Variants in CDH2 observed in about 807,000 individuals in gnomAD.
CDH2 encodes cadherin-2.
CDH2 carries 17 observed loss-of-function variants against 92.0 expected under a neutral mutation model. The ratio of observed to expected loss-of-function variants is 0.18; its 90% CI spans 0.13 to 0.28. The LOEUF is 0.28. CDH2 is among the 10% of genes least tolerant of loss of function. The pLI is 1.00. For missense variants in CDH2, 862 were observed against 1,133.1 expected (o/e 0.76, Z 3.44); for synonymous variants, 419 against 415.9 (o/e 1.01, Z -0.09).
chr18:27,944,162 C>G (rs1207524002), intron 6 of CDH2, among the ~76,000 whole-genome samples: 1 of 152,070 alleles, frequency 6.6e-6, no homozygotes, highest in Non-Finnish European at 1.5e-5. Context: ...TAATAAAAAA[C>G]TATTAGAAAA....
intron 5 of CDH2, among the ~76,000 whole-genome samples, chr18:28,007,205 C>T (rs1008021760): frequency 9.6e-5 from 13 of 136,054 alleles, no homozygotes; most frequent in East Asian, 2.1e-4. Flanking sequence ...CGAGTATATA[C>T]GATAGCTGTT....
intron 2 of CDH2, among the ~76,000 whole-genome samples, chr18:28,147,408 AAT>A (rs1282345166): frequency 6.6e-6 from 1 of 152,134 alleles, no homozygotes; most frequent in Non-Finnish European, 1.5e-5. Context: ...CAAAAATGGT[AAT>A]AATCAGTTAC....
At chr18:28,033,273 T>C (rs973802766) in intron 2 of CDH2, among the ~76,000 whole-genome samples, 2 of 152,102 alleles carry the variant, frequency 1.3e-5, no homozygotes, top group African/African-American at 4.8e-5. Context: ...TGGGAAGTAT[T>C]TTTTCAAGGG....
At chr18:28,006,563 CAA>C (rs577869215) in intron 5 of CDH2, among the ~76,000 whole-genome samples, 1 of 137,186 alleles carries the variant, frequency 7.3e-6, no homozygotes, top group Non-Finnish European at 1.6e-5. Context: ...ACTAAAAATA[CAA>C]AAAAAAAAAA....
chr18:27,944,466 G>T (rs1369704677), intron 6 of CDH2, among the ~76,000 whole-genome samples: 1 of 152,086 alleles, frequency 6.6e-6, no homozygotes, highest in African/African-American at 2.4e-5. Context: ...TTTAAAACCT[G>T]ATTAAATGAA....
intron 2 of CDH2, among the ~76,000 whole-genome samples, chr18:28,123,433 T>A (rs965179495): frequency 6.6e-6 from 1 of 152,162 alleles, no homozygotes; most frequent in Non-Finnish European, 1.5e-5. Context: ...GTCACAGATA[T>A]TAACTGAAGC....
intron 11 of CDH2, among the ~76,000 whole-genome samples, chr18:27,987,396 T>C (rs919502121): frequency 5.9e-5 from 9 of 152,216 alleles, no homozygotes; most frequent in African/African-American, 2.2e-4. Flanking sequence ...GGTCACTACA[T>C]AGATTTTCTA....
At chr18:28,021,021 C>G (rs1324381026) in intron 2 of CDH2, among the ~76,000 whole-genome samples, 1 of 151,818 alleles carries the variant, frequency 6.6e-6, no homozygotes, top group Non-Finnish European at 1.5e-5. Context: ...TGCTAATTAT[C>G]AGATATAACT....
chr18:28,057,897 C>T (rs2014325587), intron 2 of CDH2, among the ~76,000 whole-genome samples: 1 of 152,096 alleles, frequency 6.6e-6, no homozygotes, highest in African/African-American at 2.4e-5. Context: ...TACTTCATCA[C>T]TCATCATGGA....
At chr18:27,945,439 CA>C (rs1909247976) in intron 6 of CDH2, among the ~76,000 whole-genome samples, 1 of 143,240 alleles carries the variant, frequency 7.0e-6, no homozygotes, top group African/African-American at 2.6e-5. Context: ...TTGTATGAGT[CA>C]AAAAAGTGAC....
At chr18:27,987,983 C>T (rs1410431990) in intron 11 of CDH2, among the ~76,000 whole-genome samples, 1 of 151,972 alleles carries the variant, frequency 6.6e-6, no homozygotes, top group Non-Finnish European at 1.5e-5. Context: ...GAAAAAAGTC[C>T]TTATCTATTA....
At chr18:28,006,316 A>G (rs1207477389) in intron 5 of CDH2, among the ~76,000 whole-genome samples, 1 of 152,190 alleles carries the variant, frequency 6.6e-6, no homozygotes, top group Non-Finnish European at 1.5e-5. Flanking sequence ...GAAATTTATG[A>G]AGGTCACTGC....
intron 1 of CDH2, chr18:28,159,297 T>C (rs982376937): frequency 7.9e-5 from 12 of 152,206 alleles, no homozygotes; most frequent in Non-Finnish European, 1.3e-4. Flanking sequence ...TGCAGCAATC[T>C]GGCAGTGGAA....
chr18:28,091,503 C>T (rs1328168346), intron 2 of CDH2, among the ~76,000 whole-genome samples: 2 of 152,052 alleles, frequency 1.3e-5, no homozygotes, highest in Non-Finnish European at 2.9e-5. Flanking sequence ...TTTCTCTTAC[C>T]ATCAAAGAAG....
chr18:28,134,341 T>C (rs1192990409), intron 2 of CDH2, among the ~76,000 whole-genome samples: 1 of 152,094 alleles, frequency 6.6e-6, no homozygotes, highest in Non-Finnish European at 1.5e-5. Context: ...TGATACCAAC[T>C]ACCTGTCCCC....
At position 27,951,992 on chromosome 18, in the gene CDH2, G is replaced by GA; in HGVS notation, c.*160dup. 1 of 640,194 alleles carries GA rather than the reference G, an allele frequency of 1.6e-6. No individual in the cohort carries two copies. Among genetic ancestry groups the GA allele is most frequent in the Non-Finnish European group, 2.8e-6 (1 of 359,212 alleles). The allele number at this position is 640,194 out of a possible 1,614,324, so 39.7% of individuals were successfully genotyped here. On this transcript the variant is annotated 3_prime_UTR_variant, in exon 16 of 16. Coordinates refer to ENST00000269141, the MANE Select transcript of CDH2 (RefSeq NM_001792.5). ...GTTTTTCCAAACAGTATGGATCACT[G>GA]ATATTCCCTCTGAGCCCAAATTGGT...
chr18:28,051,245 G>T (rs1211254604), intron 2 of CDH2, among the ~76,000 whole-genome samples: 1 of 152,042 alleles, frequency 6.6e-6, no homozygotes, highest in Non-Finnish European at 1.5e-5. Context: ...CTATTTTATA[G>T]TAGTGAAAAC....
At chr18:27,954,696 A>G (rs1288397470) in intron 15 of CDH2, 2 of 152,218 alleles carry the variant, frequency 1.3e-5, no homozygotes, top group East Asian at 3.8e-4. Flanking sequence ...TACCTTAGCT[A>G]ACAAAAGCCG....
chr18:28,122,316 A>G (rs2015603058), intron 2 of CDH2, among the ~76,000 whole-genome samples: 1 of 152,114 alleles, frequency 6.6e-6, no homozygotes, highest in Admixed American at 6.6e-5. Context: ...TGAAAAGCTT[A>G]TGGAAAGCAA....
Sources: gnomAD v4.1 joint callset for allele counts (sites outside exome capture counted in the v4.1 genomes callset) on GRCh38, gnomAD v4.1.1 for gene constraint, MANE v1.5 for transcripts, NCBI Gene and HGNC (gene_info 2026-07-23, HGNC 2026-07-21) for gene names.